COG7: variants seen among roughly 807,000 people sequenced by gnomAD.
COG7 encodes component of oligomeric golgi complex 7, also known as conserved oligomeric Golgi complex subunit 7.
COG7 carries 49 observed loss-of-function variants against 91.5 expected under a neutral mutation model. The ratio of observed to expected loss-of-function variants is 0.54; its 90% CI spans 0.43 to 0.68. The LOEUF (loss-of-function observed/expected upper bound fraction) is 0.68. Ranked by LOEUF, COG7 falls within the 30% of genes least tolerant of loss-of-function variation. The probability of loss-of-function intolerance (pLI) is 0.00; values close to 1 mark genes in which losing one functional copy is unlikely to be tolerated. For missense variants in COG7, 895 were observed against 961.3 expected, an observed-to-expected ratio of 0.93 and a Z score of 0.91; for synonymous variants, 365 against 388.7, an observed-to-expected ratio of 0.94 and a Z score of 0.72.
At chr16:23,408,717 C>G (rs1325548314) in intron 11 of COG7, among the ~76,000 whole-genome samples, 1 of 151,938 alleles carries the variant, frequency 6.6e-6, no homozygotes, top group Non-Finnish European at 1.5e-5. Context: ...ACCAAAGTGC[C>G]ACAGGCATAC....
At chr16:23,407,965 T>A (rs1018330767) in intron 11 of COG7, among the ~76,000 whole-genome samples, 1 of 150,508 alleles carries the variant, frequency 6.6e-6, no homozygotes, top group Non-Finnish European at 1.5e-5. Context: ...ACATGCTGGA[T>A]GCTCCCATTA....
intron 15 of COG7, 39 bp downstream of exon 15, chr16:23,393,194 G>T: frequency 6.8e-7 from 1 of 1,468,048 alleles, no homozygotes; most frequent in Non-Finnish European, 9.5e-7. Context: ...GAAACTGACA[G>T]CTTGACTTGT....
intron 4 of COG7, among the ~76,000 whole-genome samples, chr16:23,437,272 C>G (rs906902781): frequency 6.6e-6 from 1 of 152,116 alleles, no homozygotes; most frequent in Non-Finnish European, 1.5e-5. Context: ...CTCCCAGAAG[C>G]CAGCTCACTC....
chr16:23,403,923 A>G, intron 12 of COG7, 89 bp from the exon 13 acceptor site: 2 of 1,508,596 alleles, frequency 1.3e-6, no homozygotes, highest in Non-Finnish European at 1.8e-6. Flanking sequence ...CTCACAGGAG[A>G]ACTGGGGGTT....
chr16:23,445,143 C>G lies in COG7; in HGVS notation c.340G>C (p.Val114Leu), dbSNP rs1291739496. The G allele has an allele frequency of 1.2e-6, 2 of 1,614,092 alleles. No individual in the cohort carries two copies. The highest frequency in any genetic ancestry group is 1.7e-5 in the Admixed American group (1 of 60,012). Residue 114 changes from valine to leucine, a missense_variant, in exon 3 of 17, where the codon GTG becomes CTG. By Grantham distance (32) the Val-to-Leu change is conservative. Coordinates refer to ENST00000307149, the MANE Select transcript of COG7 (RefSeq NM_153603.4). ...SMQVLVEIDQ[V>L]KSRMQLAAES... ...GCAGCAAGTTGCATTCTGGACTTCA[C>G]TTGGTCAATTTCTACCAACACCTGA...
At chr16:23,419,067 C>G (rs1963706371) in intron 7 of COG7, among the ~76,000 whole-genome samples, 1 of 152,162 alleles carries the variant, frequency 6.6e-6, no homozygotes, top group Non-Finnish European at 1.5e-5. Flanking sequence ...AGACACCAGC[C>G]CCCTGAATCC....
rs1159672208 is a variant in COG7 at position 23,433,561 on chromosome 16, A to G, written c.794T>C (p.Ile265Thr). 1 of 1,613,844 alleles carries G rather than the reference A, an allele frequency of 6.2e-7. No individual in the cohort carries two copies. The highest frequency in any genetic ancestry group is 1.3e-5 in the African/African-American group (1 of 74,864). The change falls in exon 6 of 17, where the codon ATC (isoleucine) becomes ACC (threonine). Residue 265 changes from isoleucine (I) to threonine (T), a missense_variant. By Grantham distance (89) the Ile-to-Thr change is moderately conservative. Coordinates refer to ENST00000307149, the MANE Select transcript of COG7 (RefSeq NM_153603.4). ...AGCTGTTACCTGTGTAGCCCACTGG[A>G]TTTGTGTGTGCCAAGCACCAAGCAA... ...DALLGAWHTQ[I>T]QWATQVFQKP... is the part of the protein sequence containing the mutation.
intron 2 of COG7, 36 bp downstream of exon 2, chr16:23,445,777 A>G (rs1458334264): frequency 1.2e-6 from 2 of 1,610,814 alleles, no homozygotes; most frequent in Admixed American, 3.3e-5. Flanking sequence ...AGCAAGAATC[A>G]CCATTTACAA....
At chr16:23,399,665 C>A (rs776794102) in intron 13 of COG7, among the ~76,000 whole-genome samples, 22 of 151,814 alleles carry the variant, frequency 1.4e-4, no homozygotes, top group Non-Finnish European at 2.6e-4. Flanking sequence ...GAGCTCAGGG[C>A]GATTAGAGAA....
At chr16:23,447,218 T>A (rs2142097307) in intron 1 of COG7, 1 of 151,730 alleles carries the variant, frequency 6.6e-6, no homozygotes, top group Middle Eastern at 3.5e-3. Context: ...ACACTCTATT[T>A]ATTTATTTAT....
Position 23,417,094 on chromosome 16 carries a change from G to T in COG7, c.1165C>A (p.Gln389Lys). Residue 389 changes from glutamine to lysine, a missense_variant, in exon 9 of 17, where the codon CAG (glutamine) becomes AAG (lysine). Gln to Lys is a moderately conservative substitution (Grantham distance 53). Transcript: ENST00000307149. The part of the protein sequence containing the change: ...LEHGEVIDCV[Q>K]ELSHSVNKLF... ...TTGTTCACGGAGTGGCTCAGCTCCT[G>T]CACACAGTCAATCACTTCCCCATGC... 6.2e-7 allele frequency: 1 copy of T among 1,614,204 alleles called. No homozygotes were observed.
At chr16:23,448,673 C>T (rs1399285353) in intron 1 of COG7, among the ~76,000 whole-genome samples, 3 of 152,120 alleles carry the variant, frequency 2.0e-5, no homozygotes, top group African/African-American at 7.2e-5. Flanking sequence ...TAGCCACACT[C>T]CTGTGCATAT....
chr16:23,393,117 TAA>T, intron 15 of COG7, 114 bp downstream of exon 15: 2 of 744,092 alleles, frequency 2.7e-6, no homozygotes, highest in Non-Finnish European at 4.8e-6. Context: ...GTTAGAAGGT[TAA>T]AAAAAAACAG....
Position 23,424,802 on chromosome 16 carries a change from T to C in COG7, c.956A>G (p.Asp319Gly). 6.2e-7 allele frequency: 1 copy of C among 1,614,132 alleles called. No homozygotes were observed. The highest frequency in any genetic ancestry group is 8.5e-7 in the Non-Finnish European group (1 of 1,180,024). ...QELTRLLEFYDATAHFAKGLE... is the reference protein window; with the variant it reads ...QELTRLLEFYGATAHFAKGLE... Reference sequence around the variant, plus strand: ...GCCCTTGGCGAAGTGGGCGGTGGCGTCGTAGAACTCCAGCAGCCTGGTGAG... The same window carrying C: ...GCCCTTGGCGAAGTGGGCGGTGGCGCCGTAGAACTCCAGCAGCCTGGTGAG... Residue 319 changes from aspartate to glycine, a missense_variant, in exon 7 of 17, where the codon GAC (aspartate) becomes GGC (glycine). By Grantham distance (94) the Asp-to-Gly change is moderately conservative. Transcript: ENST00000307149.
At chr16:23,424,029 A>C (rs1275796247) in intron 7 of COG7, among the ~76,000 whole-genome samples, 1 of 152,176 alleles carries the variant, frequency 6.6e-6, no homozygotes, top group African/African-American at 2.4e-5. Context: ...GGCTGGGCAC[A>C]GTGGCTCATG....
At chr16:23,423,888 A>G (rs974984768) in intron 7 of COG7, among the ~76,000 whole-genome samples, 1 of 152,174 alleles carries the variant, frequency 6.6e-6, no homozygotes, top group Non-Finnish European at 1.5e-5. Context: ...GTTTACCCAA[A>G]TGGGAGTAAG....
At chr16:23,405,045 G>A (rs562123257) in intron 12 of COG7, among the ~76,000 whole-genome samples, 4 of 152,138 alleles carry the variant, frequency 2.6e-5, no homozygotes, top group Non-Finnish European at 5.9e-5. Context: ...GGATGCCCAC[G>A]GTCTTCTTAT....
rs1247585733 is a variant in COG7 at position 23,433,677 on chromosome 16, C to T, written c.688-10G>A. ...CTGCTAAAAGCTGCACCTGCAGAGA[C>T]AGAACAAAGGGAACCTTATTGGGTA... is the stretch of plus-strand genomic sequence containing the variant. On this transcript the variant is annotated splice_polypyrimidine_tract_variant and intron_variant, in intron 5 of 16. Transcript: ENST00000307149. 2.1e-5 allele frequency: 34 copies of T among 1,613,866 alleles called. No homozygotes were observed. Among genetic ancestry groups the T allele is most frequent in the African/African-American group, 4.0e-5 (3 of 74,894 alleles).
chr16:23,406,090 G>GT lies in COG7; in HGVS notation c.1647dup (p.Leu550ThrfsTer5). On this transcript the variant is annotated frameshift_variant, in exon 12 of 17. Transcript: ENST00000307149. LOFTEE classifies it high-confidence loss of function. ...TGGTCTCATACCTTAAGGGTATAAA[G>GT]TATTTCCATTAAACTGGCATATTCA... is the stretch of plus-strand genomic sequence containing the variant. 6.2e-7 allele frequency: 1 copy of GT among 1,613,926 alleles called. No individual in the cohort carries two copies. Among genetic ancestry groups the GT allele is most frequent in the Non-Finnish European group, 8.5e-7 (1 of 1,179,824 alleles).
Sources: gnomAD v4.1 joint callset for allele counts (sites outside exome capture counted in the v4.1 genomes callset) on GRCh38, gnomAD v4.1.1 for gene constraint, MANE v1.5 for transcripts, NCBI Gene and HGNC (gene_info 2026-07-23, HGNC 2026-07-21) for gene names.